The following EYS variants were observed in gnomAD, a reference collection of about 807,000 sequenced individuals.
EYS encodes EGF-like photoreceptor maintenance factor.
EYS carries 250 observed loss-of-function variants against 282.1 expected under a neutral mutation model. The observed-to-expected ratio is 0.89, with a 90% CI of 0.80 to 0.98. The LOEUF (loss-of-function observed/expected upper bound fraction) is 0.98. EYS is among the 50% of genes least tolerant of loss of function. The pLI is 0.00. For missense variants in EYS, 4,016 were observed against 3,709.0 expected (o/e 1.08, Z -2.15); for synonymous variants, 1,355 against 1,282.9 (o/e 1.06, Z -1.20).
chr6:64,501,825 G>A (rs1246275318), intron 26 of EYS, among the ~76,000 whole-genome samples: 1 of 152,122 alleles, frequency 6.6e-6, no homozygotes, highest in East Asian at 1.9e-4. Flanking sequence ...GGCATAAATG[G>A]ATAAGAAAGC....
At chr6:63,996,984 G>A (rs1221559498) in intron 34 of EYS, among the ~76,000 whole-genome samples, 1 of 151,828 alleles carries the variant, frequency 6.6e-6, no homozygotes, top group African/African-American at 2.4e-5. Flanking sequence ...CTTTGTTTTG[G>A]GTTTATGTAC....
At chr6:63,918,115 T>G (rs1269519424) in intron 35 of EYS, among the ~76,000 whole-genome samples, 1 of 152,192 alleles carries the variant, frequency 6.6e-6, no homozygotes, top group Admixed American at 6.5e-5. Context: ...TATTGGCAAC[T>G]AAGTGCAAAT....
intron 5 of EYS, among the ~76,000 whole-genome samples, chr6:65,450,302 ATG>A (rs1347226008): frequency 2.0e-5 from 3 of 152,176 alleles, no homozygotes; most frequent in African/African-American, 7.2e-5. Context: ...CTATGAATAA[ATG>A]TAACTTTATC....
intron 35 of EYS, among the ~76,000 whole-genome samples, chr6:63,974,606 T>G (rs1211853754): frequency 6.6e-6 from 1 of 152,016 alleles, no homozygotes; most frequent in Non-Finnish European, 1.5e-5. Flanking sequence ...TGTTTGACCT[T>G]GCTGCATAAA....
chr6:65,442,259 T>C (rs537290394), intron 5 of EYS, among the ~76,000 whole-genome samples: 2 of 152,160 alleles, frequency 1.3e-5, no homozygotes, highest in Admixed American at 6.6e-5. Context: ...ATCTATATCT[T>C]ATAGTCAATA....
chr6:64,550,939 T>C (rs1298273091), intron 26 of EYS, among the ~76,000 whole-genome samples: 1 of 152,090 alleles, frequency 6.6e-6, no homozygotes, highest in African/African-American at 2.4e-5. Flanking sequence ...GAAATCTTTG[T>C]TTTTAATATT....
chr6:64,364,222 A>G (rs1247269467), intron 29 of EYS, among the ~76,000 whole-genome samples: 1 of 151,888 alleles, frequency 6.6e-6, no homozygotes, highest in Non-Finnish European at 1.5e-5. Context: ...ACTTATTAGT[A>G]TCTTGGCCAT....
chr6:64,495,202 G>T (rs1776853082), intron 26 of EYS, among the ~76,000 whole-genome samples: 2 of 151,680 alleles, frequency 1.3e-5, no homozygotes, highest in Non-Finnish European at 3.0e-5. Context: ...ACATGTTGGT[G>T]GGAATGTAAT....
intron 29 of EYS, among the ~76,000 whole-genome samples, chr6:64,333,029 C>T (rs547558148): frequency 5.0e-4 from 76 of 152,148 alleles, no homozygotes; most frequent in Admixed American, 4.2e-3. Flanking sequence ...ATAGTAGAAG[C>T]CTGGTCCAGA....
chr6:65,191,771 C>T (rs1765647010), intron 12 of EYS, among the ~76,000 whole-genome samples: 1 of 151,808 alleles, frequency 6.6e-6, no homozygotes, highest in Non-Finnish European at 1.5e-5. Flanking sequence ...GATATGCTAA[C>T]TTACCCTTCA....
intron 22 of EYS, among the ~76,000 whole-genome samples, chr6:64,801,898 C>G (rs1001234613): frequency 6.6e-6 from 1 of 151,966 alleles, no homozygotes; most frequent in East Asian, 1.9e-4. Context: ...TTTATCTTTG[C>G]CAATCTATCT....
intron 31 of EYS, among the ~76,000 whole-genome samples, chr6:64,098,600 TTTC>T (rs1276352772): frequency 1.3e-5 from 2 of 149,528 alleles, no homozygotes; most frequent in African/African-American, 5.1e-5. Context: ...GTTTTCTTTC[TTTC>T]TTTTTTTTTT....
chr6:64,791,554 C>T (rs1774191794), intron 22 of EYS, among the ~76,000 whole-genome samples: 1 of 151,762 alleles, frequency 6.6e-6, no homozygotes, highest in Non-Finnish European at 1.5e-5. Context: ...ATTTTAATAG[C>T]TATTTGGACA....
chr6:64,822,316 C>A (rs1262550260), intron 20 of EYS, among the ~76,000 whole-genome samples: 1 of 152,026 alleles, frequency 6.6e-6, no homozygotes, highest in African/African-American at 2.4e-5. Context: ...GTGGTATTAT[C>A]TCTCCATAGA....
At chr6:64,825,671 G>A (rs1309084786) in intron 19 of EYS, among the ~76,000 whole-genome samples, 1 of 151,784 alleles carries the variant, frequency 6.6e-6, no homozygotes, top group Non-Finnish European at 1.5e-5. Context: ...TAAAAGAGTT[G>A]TCTGTGCAGC....
At chr6:64,312,095 A>T (rs577466055) in intron 29 of EYS, among the ~76,000 whole-genome samples, 2 of 150,846 alleles carry the variant, frequency 1.3e-5, no homozygotes, top group East Asian at 3.9e-4. Context: ...AGCAGGTCCC[A>T]CCCCAACGGA....
intron 24 of EYS, among the ~76,000 whole-genome samples, chr6:64,596,529 G>T (rs780993450): frequency 1.2e-4 from 19 of 152,206 alleles, no homozygotes; most frequent in Middle Eastern, 3.4e-3. Context: ...ATAGACCAAT[G>T]GAACAGAATA....
intron 30 of EYS, among the ~76,000 whole-genome samples, chr6:64,243,666 G>T (rs1354420926): frequency 6.6e-6 from 1 of 152,188 alleles, no homozygotes; most frequent in African/African-American, 2.4e-5. Flanking sequence ...AGAAAAAAGA[G>T]TTGGTGGATC....
At chr6:64,608,944 A>G (rs960970234) in intron 24 of EYS, among the ~76,000 whole-genome samples, 19 of 152,170 alleles carry the variant, frequency 1.2e-4, no homozygotes, top group African/African-American at 4.6e-4. Context: ...TTTTTAGGGC[A>G]TTGTTACTAT....
Sources: gnomAD v4.1 joint callset for allele counts (sites outside exome capture counted in the v4.1 genomes callset) on GRCh38, gnomAD v4.1.1 for gene constraint, MANE v1.5 for transcripts, NCBI Gene and HGNC (gene_info 2026-07-23, HGNC 2026-07-21) for gene names.